Variants in OSBPL10 observed in about 807,000 individuals in gnomAD.
OSBPL10 encodes the protein oxysterol binding protein like 10, also known as oxysterol-binding protein-related protein 10.
A neutral mutation model predicts 81.7 loss-of-function variants in OSBPL10; 49 were observed. The ratio of observed to expected loss-of-function variants is 0.60; its 90% confidence interval spans 0.48 to 0.76. OSBPL10 has a LOEUF of 0.76. OSBPL10 is among the 30% of genes least tolerant of loss of function. The pLI, the probability that OSBPL10 is intolerant of heterozygous loss-of-function variation, is 0.00. For synonymous variants in OSBPL10, 419 were observed against 383.6 expected (o/e 1.09, Z -1.08); for missense variants, 923 against 987.8 (o/e 0.93, Z 0.88).
intron 1 of OSBPL10, among the ~76,000 whole-genome samples, chr3:32,048,272 C>T (rs571875082): frequency 1.8e-4 from 28 of 151,580 alleles, no homozygotes; most frequent in African/African-American, 6.8e-4. Context: ...AAAATCCATT[C>T]TCATTATATA....
At chr3:32,005,010 A>T (rs1699189840) in intron 2 of OSBPL10, among the ~76,000 whole-genome samples, 1 of 152,200 alleles carries the variant, frequency 6.6e-6, no homozygotes, top group Admixed American at 6.5e-5. Flanking sequence ...AAAATCATAC[A>T]GAAGTGGTAT....
At chr3:31,803,136 C>T (rs1699431587) in intron 4 of OSBPL10, among the ~76,000 whole-genome samples, 1 of 152,210 alleles carries the variant, frequency 6.6e-6, no homozygotes, top group African/African-American at 2.4e-5. Context: ...TCCACCCAGA[C>T]GTGACCTTTT....
intron 6 of OSBPL10, among the ~76,000 whole-genome samples, chr3:31,706,521 C>T (rs1696070307): frequency 6.6e-6 from 1 of 151,110 alleles, no homozygotes; most frequent in African/African-American, 2.4e-5. Context: ...CTGCCCTTAA[C>T]CATGGGCCTC....
chr3:31,950,858 C>T (rs1039355756), intron 1 of OSBPL10, among the ~76,000 whole-genome samples: 5 of 152,176 alleles, frequency 3.3e-5, no homozygotes, highest in African/African-American at 1.2e-4. Flanking sequence ...ATGCCTGCTC[C>T]CTCCACTTTC....
chr3:31,785,750 A>G (rs1698846752), intron 4 of OSBPL10, among the ~76,000 whole-genome samples: 1 of 152,178 alleles, frequency 6.6e-6, no homozygotes, highest in Non-Finnish European at 1.5e-5. Flanking sequence ...ATCCTCAGGT[A>G]CTGCAAGTTA....
chr3:32,019,852 G>T (rs1044644106), intron 2 of OSBPL10, among the ~76,000 whole-genome samples: 1 of 152,112 alleles, frequency 6.6e-6, no homozygotes, highest in Non-Finnish European at 1.5e-5. Flanking sequence ...TAGTTTCTTT[G>T]TTCTTTATTT....
intron 3 of OSBPL10, among the ~76,000 whole-genome samples, chr3:31,850,151 T>G (rs997166724): frequency 6.6e-6 from 1 of 151,732 alleles, no homozygotes; most frequent in Non-Finnish European, 1.5e-5. Context: ...GGTGACACAG[T>G]GAAACTCTGT....
At chr3:31,978,236 G>C (rs1698738016) in intron 1 of OSBPL10, among the ~76,000 whole-genome samples, 1 of 152,040 alleles carries the variant, frequency 6.6e-6, no homozygotes, top group African/African-American at 2.4e-5. Context: ...TTAACTGTGG[G>C]CACTTTGAAA....
intron 1 of OSBPL10, among the ~76,000 whole-genome samples, chr3:31,979,569 C>T (rs1229861204): frequency 6.6e-6 from 1 of 152,136 alleles, no homozygotes; most frequent in Non-Finnish European, 1.5e-5. Context: ...CACAAACATC[C>T]TTAAGAGCCC....
chr3:31,860,130 T>C (rs1463548494), intron 3 of OSBPL10, among the ~76,000 whole-genome samples: 1 of 152,122 alleles, frequency 6.6e-6, no homozygotes, highest in Admixed American at 6.5e-5. Context: ...ATGAAAAGCC[T>C]TTTCTTTCCC....
intron 4 of OSBPL10, among the ~76,000 whole-genome samples, chr3:31,803,865 T>C (rs1212899846): frequency 6.6e-6 from 1 of 152,248 alleles, no homozygotes; most frequent in Non-Finnish European, 1.5e-5. Context: ...TCTCAATGCA[T>C]CATATTTGGT....
At chr3:31,788,256 T>A (rs1458766467) in intron 4 of OSBPL10, among the ~76,000 whole-genome samples, 1 of 152,242 alleles carries the variant, frequency 6.6e-6, no homozygotes, top group East Asian at 1.9e-4. Context: ...AAGGAGTTAC[T>A]GTGCCAAATT....
chr3:31,675,674 A>G (rs541958266), intron 8 of OSBPL10, among the ~76,000 whole-genome samples: 7 of 152,300 alleles, frequency 4.6e-5, no homozygotes, highest in Admixed American at 2.6e-4. Flanking sequence ...GGCCAGGCGC[A>G]GTGGCTCACG....
At chr3:32,019,540 G>A (rs773233294) in intron 2 of OSBPL10, among the ~76,000 whole-genome samples, 2 of 152,206 alleles carry the variant, frequency 1.3e-5, no homozygotes, top group Non-Finnish European at 2.9e-5. Flanking sequence ...AGAAAGATCG[G>A]TGCCAATGTT....
At chr3:31,803,889 A>ATG in intron 4 of OSBPL10, among the ~76,000 whole-genome samples, 1 of 152,124 alleles carries the variant, frequency 6.6e-6, no homozygotes, top group Non-Finnish European at 1.5e-5. Flanking sequence ...ACATGTTTTT[A>ATG]TGTCTTTATT....
At chr3:31,778,595 G>A (rs1468914310) in intron 4 of OSBPL10, among the ~76,000 whole-genome samples, 1 of 152,066 alleles carries the variant, frequency 6.6e-6, no homozygotes, top group African/African-American at 2.4e-5. Context: ...TGGTGTTCCT[G>A]AGAAAGAACA....
chr3:31,981,729 C>T (rs1698849889), upstream of OSBPL10: 1 of 152,644 alleles, frequency 6.6e-6, no homozygotes, highest in Non-Finnish European at 1.5e-5. This position sits in a 1 kb window ranked among gnomAD's most constrained non-coding sequence, Gnocchi z 4.5. Flanking sequence ...TATGGACCCG[C>T]CCGGCCTGAC....
At chr3:31,747,105 C>G (rs1697550013) in intron 5 of OSBPL10, among the ~76,000 whole-genome samples, 1 of 152,118 alleles carries the variant, frequency 6.6e-6, no homozygotes, top group African/African-American at 2.4e-5. Context: ...GAGGCTGAGA[C>G]AGGTGGATCA....
At chr3:31,709,289 T>A (rs1696178549) in intron 6 of OSBPL10, 1 of 152,360 alleles carries the variant, frequency 6.6e-6, no homozygotes, top group Admixed American at 6.6e-5. Flanking sequence ...CACACTTGGC[T>A]CTTATAGACT....
Sources: gnomAD v4.1 joint callset for allele counts (sites outside exome capture counted in the v4.1 genomes callset) on GRCh38, gnomAD v4.1.1 for gene constraint, Gnocchi (gnomAD v3.1) non-coding constraint, MANE v1.5 for transcripts, NCBI Gene and HGNC (gene_info 2026-07-23, HGNC 2026-07-21) for gene names.